Variants in ZNF236 observed in about 807,000 individuals in gnomAD.
ZNF236 encodes zinc finger protein 236, also known as regulated by glucose.
In ZNF236, 50 loss-of-function variants were observed where a neutral mutation model predicts 191.2. That is an observed-to-expected ratio of 0.26 (90% CI 0.21 to 0.33). The LOEUF is 0.33. ZNF236 is among the 10% of genes least tolerant of loss of function. The pLI is 1.00. For missense variants in ZNF236, 1,754 were observed against 2,374.5 expected (o/e 0.74, Z 5.43); for synonymous variants, 907 against 928.8 (o/e 0.98, Z 0.43).
intron 20 of ZNF236, among the ~76,000 whole-genome samples, chr18:76,922,047 G>T (rs1344404760): frequency 2.0e-5 from 3 of 152,082 alleles, no homozygotes; most frequent in Non-Finnish European, 4.4e-5. Flanking sequence ...TACGATTCTG[G>T]TTTTCAAATT....
intron 13 of ZNF236, 25 bp from the exon 14 acceptor site, chr18:76,908,295 T>C: frequency 1.9e-6 from 3 of 1,604,436 alleles, no homozygotes; most frequent in Non-Finnish European, 2.6e-6. Flanking sequence ...TCTAACCTGA[T>C]GAACTGTTGT....
chr18:76,865,319 A>G lies in ZNF236; in HGVS notation c.364-3366A>G, dbSNP rs545009885. Among the ~76,000 whole-genome samples the G allele has an allele frequency of 5.3e-4, 81 of 152,322 alleles. No individual in the cohort carries two copies. In the South Asian group the frequency reaches 5.4e-3, roughly 10 times the overall value. On this transcript the variant is annotated intron_variant, in intron 3 of 30. Coordinates refer to ENST00000320610, the MANE Select transcript of ZNF236 (RefSeq NM_001306089.2). ...GCCATTGCACTCCAGCCTGGGCCAC[A>G]AGAGTGAAACTCCATCAAAAAACAA...
intron 1 of ZNF236, among the ~76,000 whole-genome samples, chr18:76,826,764 C>A (rs1975030552): frequency 6.7e-6 from 1 of 148,238 alleles, no homozygotes; most frequent in South Asian, 2.2e-4. Context: ...CGCGCCACTG[C>A]ACTCCAGCCT....
chr18:76,947,699 CAT>C, intron 27 of ZNF236, 47 bp downstream of exon 27: 10 of 1,594,384 alleles, frequency 6.3e-6, no homozygotes, highest in Non-Finnish European at 6.8e-6. Context: ...CTTTTAAAAA[CAT>C]ACAGATTCAG....
intron 4 of ZNF236, among the ~76,000 whole-genome samples, chr18:76,869,485 CTT>C (rs920379990): frequency 3.9e-5 from 6 of 152,276 alleles, no homozygotes; most frequent in African/African-American, 1.4e-4. Context: ...CGTAGTCAAA[CTT>C]AACATGTTTT....
intron 25 of ZNF236, among the ~76,000 whole-genome samples, chr18:76,933,014 C>T (rs1409639371): frequency 6.6e-6 from 1 of 152,194 alleles, no homozygotes; most frequent in African/African-American, 2.4e-5. Flanking sequence ...ACCAGCATCT[C>T]ACACTCAGGT....
chr18:76,827,313 G>A (rs150642746), intron 1 of ZNF236, among the ~76,000 whole-genome samples: 2,432 of 152,224 alleles, frequency 0.016, 73 homozygotes, highest in African/African-American at 0.055. Context: ...AGCCTCCTGA[G>A]TAGATGGGAC....
At chr18:76,947,436 G>A in intron 26 of ZNF236, 85 bp from the exon 27 acceptor site, 1 of 1,486,552 alleles carries the variant, frequency 6.7e-7, no homozygotes, top group Non-Finnish European at 9.0e-7. Context: ...TGTTTTCCAA[G>A]GTAGCTGCAC....
intron 3 of ZNF236, among the ~76,000 whole-genome samples, chr18:76,853,772 A>T (rs1975952746): frequency 6.6e-6 from 1 of 152,122 alleles, no homozygotes; most frequent in South Asian, 2.1e-4. Flanking sequence ...GCACTTTGGG[A>T]GGTCAAGGCG....
rs1157963174 is a variant in ZNF236 at position 76,960,078 on chromosome 18, A to T, written c.5242+262A>T. Reference sequence around the variant, plus strand: ...CTCCCGTGCCGTGTCTGGGATGTTGACCATGTCACGTCCCTCCTTCCCTTC... The same window carrying T: ...CTCCCGTGCCGTGTCTGGGATGTTGTCCATGTCACGTCCCTCCTTCCCTTC... On this transcript the variant is annotated intron_variant, in intron 29 of 30. Transcript: ENST00000320610. This position sits in a 1 kb window ranked among gnomAD's most constrained non-coding sequence, Gnocchi z 4.4. 6.6e-6 allele frequency among the ~76,000 whole-genome samples: 1 copy of T among 152,170 alleles called. No individual in the cohort carries two copies. Among genetic ancestry groups the T allele is most frequent in the East Asian group, 1.9e-4 (1 of 5,188 alleles).
chr18:76,824,615 G>A (rs1418542979), intron 1 of ZNF236, among the ~76,000 whole-genome samples: 1 of 152,288 alleles, frequency 6.6e-6, no homozygotes, highest in East Asian at 1.9e-4. Flanking sequence ...GAAGGCTTAG[G>A]ATAGAGAAAG....
chr18:76,823,221 G>T (rs952709764), intron 1 of ZNF236, among the ~76,000 whole-genome samples: 1 of 151,908 alleles, frequency 6.6e-6, no homozygotes, highest in Non-Finnish European at 1.5e-5. Flanking sequence ...GTAGGCGCCA[G>T]CGTTGTCCGG....
chr18:76,944,662 A>G (rs1968214846), intron 26 of ZNF236, among the ~76,000 whole-genome samples: 1 of 152,090 alleles, frequency 6.6e-6, no homozygotes, highest in Admixed American at 6.5e-5. Context: ...TGTGCCTGTA[A>G]TCCCAGCTAC....
chr18:76,851,383 G>A (rs573098706), intron 2 of ZNF236, among the ~76,000 whole-genome samples: 2 of 149,490 alleles, frequency 1.3e-5, no homozygotes, highest in South Asian at 2.1e-4. Flanking sequence ...CTCTTGCCTC[G>A]GCCTCCCAAA....
chr18:76,958,674 G>A (rs1345263338), intron 28 of ZNF236, among the ~76,000 whole-genome samples: 1 of 152,210 alleles, frequency 6.6e-6, no homozygotes, highest in Non-Finnish European at 1.5e-5. Context: ...TCTAGCTGTT[G>A]ATGGTGATTG....
chr18:76,908,714 T>G (rs1328670223), intron 14 of ZNF236, 141 bp downstream of exon 14: 7 of 1,048,554 alleles, frequency 6.7e-6, no homozygotes, highest in Admixed American at 2.6e-5. Context: ...GAATTGAGTA[T>G]TTGATATCAT....
chr18:76,940,106 A>G (rs11877804), intron 26 of ZNF236, among the ~76,000 whole-genome samples: 3,495 of 126,660 alleles, frequency 0.028, 109 homozygotes, highest in African/African-American at 0.087. Flanking sequence ...CTAGCACTGC[A>G]TTTGGGAACA....
intron 1 of ZNF236, among the ~76,000 whole-genome samples, chr18:76,827,854 A>G (rs1238442570): frequency 1.3e-5 from 2 of 152,196 alleles, no homozygotes; most frequent in African/African-American, 4.8e-5. Context: ...TTTAGCAATA[A>G]TGTGACCTTG....
Position 76,927,638 on chromosome 18 carries a change from T to C in ZNF236, c.4414+121T>C. The stretch of plus-strand genomic sequence containing the variant: ...TCTTCTCTTTGTAGAAGAGAATAAA[T>C]CAAATGTCCTGAGAATAAAATAAGC... On this transcript the variant is annotated intron_variant, in intron 24 of 30. Coordinates refer to ENST00000320610, the MANE Select transcript of ZNF236 (RefSeq NM_001306089.2). This position sits in a 1 kb window ranked among gnomAD's most constrained non-coding sequence, Gnocchi z 5.4. The C allele has an allele frequency of 7.7e-7, 1 of 1,293,396 alleles. No homozygotes were observed. Among genetic ancestry groups the C allele is most frequent in the South Asian group, 1.5e-5 (1 of 65,548 alleles). The allele number at this position is 1,293,396 out of a possible 1,614,324, so 80.1% of individuals were successfully genotyped here. A position where few individuals can be genotyped will look rare whatever the true frequency, so the allele number is the denominator to read the frequency against.
Sources: allele counts gnomAD v4.1 joint callset (sites outside exome capture counted in the v4.1 genomes callset), GRCh38; gene constraint gnomAD v4.1.1; non-coding constraint Gnocchi (gnomAD v3.1); transcripts MANE v1.5; gene names NCBI Gene and HGNC (gene_info 2026-07-23, HGNC 2026-07-21).